The following CNTN5 variants were observed in gnomAD, a reference collection of about 807,000 sequenced individuals.
CNTN5 encodes contactin-5.
In CNTN5, 77 loss-of-function variants were observed where a neutral mutation model predicts 129.1. The ratio of observed to expected loss-of-function variants is 0.60; its 90% CI spans 0.50 to 0.72. The LOEUF is 0.72. CNTN5 is among the 30% of genes least tolerant of loss of function. CNTN5 has a pLI of 0.00. For missense variants in CNTN5, 1,478 were observed against 1,328.8 expected (o/e 1.11, Z -1.75); for synonymous variants, 509 against 465.6 (o/e 1.09, Z -1.20).
At chr11:99,242,388 T>G (rs1861604556) in intron 1 of CNTN5, among the ~76,000 whole-genome samples, 1 of 152,158 alleles carries the variant, frequency 6.6e-6, no homozygotes, top group Non-Finnish European at 1.5e-5. Flanking sequence ...TTAAAGTATT[T>G]ACATTAAGAC....
At chr11:99,064,524 A>G (rs1006745548) in intron 1 of CNTN5, among the ~76,000 whole-genome samples, 1 of 152,110 alleles carries the variant, frequency 6.6e-6, no homozygotes, top group African/African-American at 2.4e-5. Flanking sequence ...AATACCAGCA[A>G]AAGAAGACTT....
At chr11:99,544,488 T>C (rs1948225281) in intron 2 of CNTN5, among the ~76,000 whole-genome samples, 1 of 152,222 alleles carries the variant, frequency 6.6e-6, no homozygotes, top group Admixed American at 6.5e-5. Flanking sequence ...TATTATCTGC[T>C]TGAAGAACTG....
chr11:100,302,397 C>G (rs1951243672), intron 20 of CNTN5, among the ~76,000 whole-genome samples: 1 of 151,496 alleles, frequency 6.6e-6, no homozygotes. Context: ...TTGTATTTCT[C>G]CAAAAGACAA....
intron 6 of CNTN5, among the ~76,000 whole-genome samples, chr11:99,859,461 G>T (rs936151649): frequency 6.6e-6 from 1 of 152,154 alleles, no homozygotes; most frequent in Non-Finnish European, 1.5e-5. Flanking sequence ...CCATCACCCA[G>T]TTACTTAGCA....
chr11:99,859,946 T>C (rs1948155836), intron 6 of CNTN5, among the ~76,000 whole-genome samples: 1 of 152,218 alleles, frequency 6.6e-6, no homozygotes, highest in African/African-American at 2.4e-5. Flanking sequence ...GCTGAATGGA[T>C]TTACATTCCC....
chr11:100,039,209 A>G (rs938341514), intron 9 of CNTN5, among the ~76,000 whole-genome samples: 8 of 151,958 alleles, frequency 5.3e-5, no homozygotes, highest in African/African-American at 1.9e-4. Flanking sequence ...AAAGTATTTT[A>G]TTTCTCCTTT....
chr11:100,050,785 T>G (rs1942916432), intron 9 of CNTN5, among the ~76,000 whole-genome samples: 1 of 152,090 alleles, frequency 6.6e-6, no homozygotes, highest in African/African-American at 2.4e-5. Flanking sequence ...ATAGGAATGT[T>G]GAAGAGAGTA....
intron 1 of CNTN5, among the ~76,000 whole-genome samples, chr11:99,259,374 T>G (rs1480371132): frequency 6.6e-6 from 1 of 151,888 alleles, no homozygotes; most frequent in East Asian, 1.9e-4. Context: ...ACATGCCATG[T>G]TTTGTAATGT....
chr11:99,615,786 G>C (rs1236093291), intron 3 of CNTN5, among the ~76,000 whole-genome samples: 1 of 150,896 alleles, frequency 6.6e-6, no homozygotes, highest in East Asian at 1.9e-4. Context: ...TTTTGGAGCA[G>C]AGTCTCATTC....
At chr11:100,286,964 AG>A (rs1462321407) in intron 18 of CNTN5, among the ~76,000 whole-genome samples, 1 of 152,188 alleles carries the variant, frequency 6.6e-6, no homozygotes, top group African/African-American at 2.4e-5. Flanking sequence ...AGAATGCAGA[AG>A]CCTCAGGAGC....
chr11:99,186,575 A>G (rs1364837883), intron 1 of CNTN5, among the ~76,000 whole-genome samples: 1 of 151,996 alleles, frequency 6.6e-6, no homozygotes, highest in African/African-American at 2.4e-5. Context: ...CTCATATACC[A>G]CTGTAAGAGA....
chr11:100,340,492 A>T lies in CNTN5; in HGVS notation c.2760A>T (p.Glu920Asp), dbSNP rs747004093. 6.8e-6 allele frequency: 11 copies of T among 1,612,348 alleles called. No individual in the cohort carries two copies. In the East Asian group the frequency reaches 1.6e-4, roughly 23 times the overall value. Residue 920 changes from glutamate to aspartate, a missense_variant, in exon 22 of 25, where the codon GAA becomes GAT. Glu to Asp is a conservative substitution (Grantham distance 45, BLOSUM62 2). Coordinates refer to ENST00000524871, the MANE Select transcript of CNTN5 (RefSeq NM_014361.4). ...GTTACTGGAAAGACATGGAACAGGA[A>T]GATACAGCAGAAACAGTCAAAACTA... ...EVGYWKDMEQ[E>D]DTAETVKTRG...
At chr11:99,349,907 G>T (rs1938169698) in intron 2 of CNTN5, among the ~76,000 whole-genome samples, 1 of 152,076 alleles carries the variant, frequency 6.6e-6, no homozygotes, top group African/African-American at 2.4e-5. Context: ...TCTAATGTGT[G>T]CAAAAATGTT....
intron 13 of CNTN5, among the ~76,000 whole-genome samples, chr11:100,115,193 G>T (rs1036175307): frequency 6.7e-6 from 1 of 149,790 alleles, no homozygotes; most frequent in African/African-American, 2.5e-5. Flanking sequence ...TGCATCTTGA[G>T]AATTTCAGTC....
intron 4 of CNTN5, among the ~76,000 whole-genome samples, chr11:99,841,461 G>A (rs1281272151): frequency 6.6e-6 from 1 of 151,982 alleles, no homozygotes; most frequent in Non-Finnish European, 1.5e-5. Flanking sequence ...GAAGCTTGGA[G>A]TTTTCAGCTT....
chr11:99,832,559 C>G (rs1486254253), intron 4 of CNTN5, among the ~76,000 whole-genome samples: 2 of 152,092 alleles, frequency 1.3e-5, no homozygotes, highest in African/African-American at 2.4e-5. Flanking sequence ...ATAGTTTATA[C>G]TTGTTTAAGT....
intron 4 of CNTN5, among the ~76,000 whole-genome samples, chr11:99,829,559 G>C (rs1320350217): frequency 6.6e-6 from 1 of 152,176 alleles, no homozygotes; most frequent in Non-Finnish European, 1.5e-5. Context: ...CTGCTCATTG[G>C]CGTTGAGCAA....
chr11:99,549,429 C>A (rs531235275), intron 2 of CNTN5, among the ~76,000 whole-genome samples: 1 of 152,232 alleles, frequency 6.6e-6, no homozygotes, highest in Non-Finnish European at 1.5e-5. Flanking sequence ...TTTGGTCCCC[C>A]ACTTCCAAAG....
intron 4 of CNTN5, among the ~76,000 whole-genome samples, chr11:99,840,358 A>G (rs914454813): frequency 2.0e-5 from 3 of 152,206 alleles, no homozygotes; most frequent in African/African-American, 4.8e-5. Context: ...ATGGGAAGAT[A>G]CATAAGTATC....
Sources: gnomAD v4.1 joint callset for allele counts (sites outside exome capture counted in the v4.1 genomes callset) on GRCh38, gnomAD v4.1.1 for gene constraint, MANE v1.5 for transcripts, NCBI Gene and HGNC (gene_info 2026-07-23, HGNC 2026-07-21) for gene names.